The following PKIA variants were observed in gnomAD, a reference collection of about 807,000 sequenced individuals.
PKIA encodes cAMP-dependent protein kinase inhibitor alpha, also known as PKI-alpha.
A neutral mutation model predicts 7.6 loss-of-function variants in PKIA; 4 were observed. The ratio of observed to expected loss-of-function variants is 0.52; its 90% CI spans 0.26 to 1.20. The LOEUF (loss-of-function observed/expected upper bound fraction) is 1.20, where lower values mean the gene tolerates loss of function less well. PKIA is among the 50% of genes most tolerant of loss of function. PKIA has a pLI of 0.13. For missense variants in PKIA, 73 were observed against 86.2 expected (o/e 0.85, Z 0.61); for synonymous variants, 21 against 30.7 (o/e 0.68, Z 1.04).
chr8:78,542,761 C>T (rs926220348), intron 1 of PKIA, among the ~76,000 whole-genome samples: 1 of 152,122 alleles, frequency 6.6e-6, no homozygotes, highest in Non-Finnish European at 1.5e-5. Flanking sequence ...AGATGCCCCT[C>T]CTACCTGTAC....
Position 78,564,626 on chromosome 8 carries a change from A to C in PKIA, c.-156-8185A>C, listed in dbSNP as rs73243243. Among the ~76,000 whole-genome samples the C allele has an allele frequency of 8.4e-3, 1,282 of 152,032 alleles. 15 individuals carry two copies. The highest frequency in any genetic ancestry group is 0.029 in the African/African-American group (1,218 of 41,544). ...CATAGCTTTTTACTCATTAATTTTA[A>C]TTCTGGAAATTTACTAAAATAATTT... is the stretch of plus-strand genomic sequence containing the variant. On this transcript the variant is annotated intron_variant, in intron 1 of 3. Coordinates refer to ENST00000396418, the MANE Select transcript of PKIA (RefSeq NM_006823.4).
At chr8:78,535,906 C>T (rs972308558) in intron 1 of PKIA, 1 of 151,962 alleles carries the variant, frequency 6.6e-6, no homozygotes, top group African/African-American at 2.4e-5. Flanking sequence ...CAGGGGTGAC[C>T]TGGAACCAAT....
At chr8:78,531,777 AAG>A (rs1806392728) in intron 1 of PKIA, among the ~76,000 whole-genome samples, 1 of 152,060 alleles carries the variant, frequency 6.6e-6, no homozygotes, top group Non-Finnish European at 1.5e-5. Flanking sequence ...TGTGGAAAGA[AAG>A]GGAAGGAGGA....
intron 1 of PKIA, among the ~76,000 whole-genome samples, chr8:78,547,353 T>C (rs1021935899): frequency 9.2e-5 from 14 of 152,266 alleles, no homozygotes; most frequent in African/African-American, 3.4e-4. Flanking sequence ...TCCACCCACC[T>C]CAGCCTCCCA....
intron 1 of PKIA, among the ~76,000 whole-genome samples, chr8:78,540,359 A>G (rs1247548892): frequency 6.6e-6 from 1 of 152,072 alleles, no homozygotes; most frequent in Non-Finnish European, 1.5e-5. Flanking sequence ...ACATAAATAT[A>G]TATCCACATC....
At position 78,602,694 on chromosome 8, in the gene PKIA, A is replaced by ATATATATATATATATATATATAT. The variant is rs1563597433; in HGVS notation, c.*873_*874insTATATATATATATATATATATAT. On this transcript the variant is annotated 3_prime_UTR_variant, in exon 4 of 4. Coordinates refer to ENST00000396418, the MANE Select transcript of PKIA (RefSeq NM_006823.4). ...CTCAAGTGGAGAACTTCTCCCACAT[A>ATATATATATATATATATATATAT]ATATATATATATATATATATTTTAA... 4.4e-5 allele frequency: 6 copies of ATATATATATATATATATATATAT among 136,982 alleles called. No individual in the cohort carries two copies. In the South Asian group the frequency reaches 1.3e-3, roughly 30 times the overall value. The allele number at this position is 136,982 out of a possible 1,614,324, so 8.5% of individuals were successfully genotyped here.
chr8:78,551,701 T>A (rs1165894456), intron 1 of PKIA, among the ~76,000 whole-genome samples: 1 of 151,666 alleles, frequency 6.6e-6, no homozygotes, highest in African/African-American at 2.4e-5. Flanking sequence ...CTGAAGGGAG[T>A]GTCAACACAA....
chr8:78,542,247 G>A (rs1464229794), intron 1 of PKIA, among the ~76,000 whole-genome samples: 1 of 152,038 alleles, frequency 6.6e-6, no homozygotes, highest in African/African-American at 2.4e-5. Flanking sequence ...CACTGCCCTA[G>A]TTTGAACTTA....
chr8:78,529,059 C>T (rs1485017503), intron 1 of PKIA, among the ~76,000 whole-genome samples: 1 of 151,988 alleles, frequency 6.6e-6, no homozygotes, highest in African/African-American at 2.4e-5. Flanking sequence ...CCAATAAATG[C>T]ATCAGAAAGA....
At chr8:78,560,406 C>A (rs892600661) in intron 1 of PKIA, among the ~76,000 whole-genome samples, 2 of 152,184 alleles carry the variant, frequency 1.3e-5, no homozygotes, top group African/African-American at 4.8e-5. Context: ...TCTATTCACA[C>A]CTTGAATCAT....
intron 1 of PKIA, among the ~76,000 whole-genome samples, chr8:78,546,665 T>C (rs1317548499): frequency 6.6e-6 from 1 of 152,172 alleles, no homozygotes; most frequent in African/African-American, 2.4e-5. Flanking sequence ...ATAACTGAAA[T>C]TGGCACCTGA....
intron 1 of PKIA, among the ~76,000 whole-genome samples, chr8:78,547,396 C>G (rs548574439): frequency 6.6e-6 from 1 of 152,336 alleles, no homozygotes; most frequent in African/African-American, 2.4e-5. Flanking sequence ...AGCCACCGCA[C>G]CTGGCCTTAC....
At chr8:78,546,293 T>C (rs13255993) in intron 1 of PKIA, among the ~76,000 whole-genome samples, 36,882 of 152,078 alleles carry the variant, frequency 0.24, 5,248 homozygotes, top group African/African-American at 0.4. Flanking sequence ...TCTTGCACAA[T>C]TAGTCAGCCT....
rs972189777 is a variant in PKIA at position 78,594,387 on chromosome 8, T to A, written c.-27-3971T>A. On this transcript the variant is annotated intron_variant, in intron 2 of 3. Transcript: ENST00000396418. The stretch of plus-strand genomic sequence containing the variant: ...TTAAAAAAAAAAAAAAAGTGAGTCC[T>A]TTCCAGATCATGGAAGGCTTTAAAA... 3.3e-5 allele frequency among the ~76,000 whole-genome samples: 5 copies of A among 152,028 alleles called. 1 individual carries two copies. The highest frequency in any genetic ancestry group is 7.4e-5 in the Non-Finnish European group (5 of 67,982).
rs1808067089 is a variant in PKIA, at chr8:78,590,412, G to GA, written c.-27-7939dup. Among the ~76,000 whole-genome samples the GA allele has an allele frequency of 2.0e-5, 3 of 151,772 alleles. No homozygotes were observed. In the South Asian group the frequency reaches 6.2e-4, roughly 32 times the overall value. The stretch of plus-strand genomic sequence containing the variant: ...TTCATATGACTTCAGATTCCACATT[G>GA]AAAAAAAGCCATAATTATCTGAAAA... On this transcript the variant is annotated intron_variant, in intron 2 of 3. Coordinates refer to ENST00000396418, the MANE Select transcript of PKIA (RefSeq NM_006823.4).
intron 1 of PKIA, among the ~76,000 whole-genome samples, chr8:78,547,174 T>TCTC (rs1233969191): frequency 6.6e-6 from 1 of 152,130 alleles, no homozygotes; most frequent in Non-Finnish European, 1.5e-5. Context: ...AATGGCAACA[T>TCTC]CTCGGCTCAA....
At chr8:78,568,246 A>G (rs917630616) in intron 1 of PKIA, among the ~76,000 whole-genome samples, 27 of 152,182 alleles carry the variant, frequency 1.8e-4, no homozygotes, top group African/African-American at 5.8e-4. Context: ...ACCCTAATCT[A>G]CTACCTCATG....
At chr8:78,593,279 C>T (rs1043693518) in intron 2 of PKIA, among the ~76,000 whole-genome samples, 2 of 152,078 alleles carry the variant, frequency 1.3e-5, no homozygotes, top group African/African-American at 4.8e-5. Context: ...TGCACCACTA[C>T]GCCCAGCTAA....
At chr8:78,599,776 T>C (rs1442403159) in intron 3 of PKIA, among the ~76,000 whole-genome samples, 2 of 151,920 alleles carry the variant, frequency 1.3e-5, no homozygotes, top group Non-Finnish European at 2.9e-5. Flanking sequence ...TTATTTTTCA[T>C]ACAAATATGC....
Sources: gnomAD v4.1 joint callset for allele counts (sites outside exome capture counted in the v4.1 genomes callset) on GRCh38, gnomAD v4.1.1 for gene constraint, MANE v1.5 for transcripts, NCBI Gene and HGNC (gene_info 2026-07-23, HGNC 2026-07-21) for gene names.